MACF1: variants seen among roughly 807,000 people sequenced by gnomAD.
MACF1 encodes microtubule-actin cross-linking factor 1.
A neutral mutation model predicts 854.8 loss-of-function variants in MACF1; 193 were observed. That is an observed-to-expected ratio of 0.23 (90% CI 0.20 to 0.25). The LOEUF (loss-of-function observed/expected upper bound fraction) is 0.25, where lower values mean the gene tolerates loss of function less well. MACF1 is among the 10% of genes least tolerant of loss of function. The pLI, the probability that MACF1 is intolerant of heterozygous loss-of-function variation, is 1.00. For missense variants in MACF1, 7,722 were observed against 8,929.1 expected (o/e 0.86, Z 5.45); for synonymous variants, 3,185 against 3,226.7 (o/e 0.99, Z 0.44).
At chr1:39,193,872 T>G (rs975357278) in intron 2 of MACF1, among the ~76,000 whole-genome samples, 5 of 152,124 alleles carry the variant, frequency 3.3e-5, no homozygotes, top group Non-Finnish European at 7.4e-5. Context: ...TGAGACAGTT[T>G]CGCTGTTGTT....
intron 2 of MACF1, among the ~76,000 whole-genome samples, chr1:39,087,002 G>A (rs528522401): frequency 3.3e-5 from 5 of 152,248 alleles, no homozygotes; most frequent in African/African-American, 9.6e-5. Flanking sequence ...GAGACGAGGC[G>A]GGACTGCGAC....
chr1:39,292,741 T>G (rs770412692), intron 16 of MACF1, 25 bp from the exon 17 acceptor site: 8 of 1,539,990 alleles, frequency 5.2e-6, no homozygotes, highest in Non-Finnish European at 7.1e-6. Flanking sequence ...TCTAATGTAT[T>G]TTTATTTCAT....
chr1:39,353,905 TC>T (rs1647303885), intron 44 of MACF1, among the ~76,000 whole-genome samples: 1 of 152,224 alleles, frequency 6.6e-6, no homozygotes, highest in Admixed American at 6.5e-5. Context: ...AGAACCACTG[TC>T]TGCTTTCACT....
In MACF1 at chr1:39,292,777, C is replaced by G; in HGVS notation, c.1926C>G (p.Ser642=). The G allele has an allele frequency of 6.2e-7, 1 of 1,610,010 alleles. No homozygotes were observed. The highest frequency in any genetic ancestry group is 8.5e-7 in the Non-Finnish European group (1 of 1,177,918). ...TCTTTTTTAATCAGGGAAAGATGTC[C>G]CAGAATTTCCATACCAGCTATGCTG... The part of the protein sequence containing the change: ...KEARLYEGKM[S]QNFHTSYAET... The change falls in exon 17 of 101, where the codon TCC becomes TCG. Residue 642 remains serine, a synonymous_variant. Transcript: ENST00000564288.
At chr1:39,196,389 A>G (rs1250408903) in intron 2 of MACF1, among the ~76,000 whole-genome samples, 15 of 152,164 alleles carry the variant, frequency 9.9e-5, no homozygotes, top group Admixed American at 9.8e-4. Context: ...GCCAAACCTT[A>G]GAGGCAGAGT....
chr1:39,171,049 C>A (rs1000148478), intron 2 of MACF1, among the ~76,000 whole-genome samples: 1 of 152,154 alleles, frequency 6.6e-6, no homozygotes, highest in African/African-American at 2.4e-5. Flanking sequence ...GACTGTAGGG[C>A]TGGCTCTAAG....
rs778564871 is a variant in MACF1 at position 39,349,660 on chromosome 1, T to G, written c.10965+33T>G. On this transcript the variant is annotated intron_variant, in intron 42 of 100. Coordinates refer to ENST00000564288, the MANE Select transcript of MACF1 (RefSeq NM_001394062.1). ...TGAATCTGTCAATTTTGACACAAAG[T>G]CTCGCTCTATCGCTTAGGCTGGAGT... 6 of 1,608,798 alleles carry G rather than the reference T, an allele frequency of 3.7e-6. No homozygotes were observed. The African/African-American group carries it at 4.0e-5, about 11-fold the overall frequency.
At chr1:39,202,550 G>T (rs764230877), upstream of MACF1, among the ~76,000 whole-genome samples, 1 of 151,550 alleles carries the variant, frequency 6.6e-6, no homozygotes, top group Non-Finnish European at 1.5e-5. Flanking sequence ...CAGGAGAATC[G>T]CTTGAAGCCG....
chr1:39,398,641 G>T (rs188582788), intron 58 of MACF1, among the ~76,000 whole-genome samples: 9 of 152,166 alleles, frequency 5.9e-5, no homozygotes, highest in Non-Finnish European at 8.8e-5. Flanking sequence ...AGTTCCACTC[G>T]CTGGGGGTGC....
intron 1 of MACF1, chr1:39,215,328 T>A (rs1315390633): frequency 6.6e-6 from 1 of 152,542 alleles, no homozygotes; most frequent in Non-Finnish European, 1.5e-5. Context: ...TGGTACCCCC[T>A]CCTTTTAGGT....
At chr1:39,144,107 GT>G (rs1643410577) in intron 2 of MACF1, among the ~76,000 whole-genome samples, 1 of 138,560 alleles carries the variant, frequency 7.2e-6, no homozygotes, top group African/African-American at 2.7e-5. Flanking sequence ...TTGAGACGGA[GT>G]CTTGCTCTGT....
At chr1:39,422,702 A>G (rs375532352) in intron 59 of MACF1, 28 bp from the exon 60 acceptor site, 12 of 1,604,226 alleles carry the variant, frequency 7.5e-6, no homozygotes, top group Non-Finnish European at 9.4e-6. Context: ...CTCCGTTCTC[A>G]TAATGAACCT....
At chr1:39,196,902 T>C (rs1644326766) in intron 2 of MACF1, among the ~76,000 whole-genome samples, 1 of 152,212 alleles carries the variant, frequency 6.6e-6, no homozygotes, top group African/African-American at 2.4e-5. Flanking sequence ...TTCCTGTGGG[T>C]AATCCCAAAG....
intron 2 of MACF1, among the ~76,000 whole-genome samples, chr1:39,245,225 T>C (rs1178113467): frequency 1.3e-5 from 2 of 152,338 alleles, no homozygotes; most frequent in East Asian, 3.8e-4. Flanking sequence ...TTCAGTACTC[T>C]GTAGTGTTTA....
chr1:39,457,432 A>G (rs1232085699), intron 89 of MACF1: 3 of 152,284 alleles, frequency 2.0e-5, no homozygotes, highest in Non-Finnish European at 2.9e-5. Flanking sequence ...CTGTCTTCTC[A>G]CTGCTAGCCA....
At position 39,382,011 on chromosome 1, in the gene MACF1, A is replaced by G; in HGVS notation, c.13707A>G (p.Glu4569=). Residue 4569 remains glutamate, a synonymous_variant, in exon 56 of 101, where the codon GAA becomes GAG. Coordinates refer to ENST00000564288, the MANE Select transcript of MACF1 (RefSeq NM_001394062.1). ...TGGCTCGGCAAAGGCAGCTAGAGGA[A>G]TCTGCAAGTCATCTGGCCTGCTTCC... ...VTVARQRQLE[E]SASHLACFQA... 2 of 1,614,158 alleles carry G rather than the reference A, an allele frequency of 1.2e-6. No individual in the cohort carries two copies. Among genetic ancestry groups the G allele is most frequent in the Non-Finnish European group, 1.7e-6 (2 of 1,180,020 alleles).
intron 58 of MACF1, among the ~76,000 whole-genome samples, chr1:39,408,741 T>G (rs1033351618): frequency 2.6e-5 from 4 of 152,112 alleles, no homozygotes; most frequent in African/African-American, 4.8e-5. Flanking sequence ...TTCCTCTCCT[T>G]GCGCCCTCTC....
chr1:39,179,292 G>A (rs944572421), intron 2 of MACF1, among the ~76,000 whole-genome samples: 10 of 152,148 alleles, frequency 6.6e-5, no homozygotes, highest in African/African-American at 2.4e-4. Flanking sequence ...AACAGAGTTG[G>A]GGTGGGACTT....
rs573418545 is a variant in MACF1, at chr1:39,236,536, G to T, written c.171+5293G>T. On this transcript the variant is annotated intron_variant, in intron 2 of 100. Coordinates refer to ENST00000564288, the MANE Select transcript of MACF1 (RefSeq NM_001394062.1). ...TTATGTGCTTTTGTTAAAGCATCCA[G>T]AGTGTTTATATACATGGTGTATCTT... Among the ~76,000 whole-genome samples, 6 of 152,328 alleles carry T rather than the reference G, an allele frequency of 3.9e-5. No individual in the cohort carries two copies. In the East Asian group the frequency reaches 1.2e-3, roughly 29 times the overall value.
Sources: gnomAD v4.1 joint callset for allele counts (sites outside exome capture counted in the v4.1 genomes callset) on GRCh38, gnomAD v4.1.1 for gene constraint, MANE v1.5 for transcripts, NCBI Gene and HGNC (gene_info 2026-07-23, HGNC 2026-07-21) for gene names.